Variants in ATRNL1 observed in about 807,000 individuals in gnomAD.
The protein encoded by ATRNL1 is attractin like 1, also known as attractin-like protein 1.
ATRNL1 carries 95 observed loss-of-function variants against 182.7 expected under a neutral mutation model. The observed-to-expected ratio is 0.52, with a 90% CI of 0.44 to 0.62. The LOEUF (loss-of-function observed/expected upper bound fraction) is 0.62, where lower values mean the gene tolerates loss of function less well. ATRNL1 is among the 20% of genes least tolerant of loss of function. The pLI is 0.00. For synonymous variants in ATRNL1, 576 were observed against 568.3 expected, an observed-to-expected ratio of 1.01 and a Z score of -0.19; for missense variants, 1,471 against 1,679.5, an observed-to-expected ratio of 0.88 and a Z score of 2.17.
intron 15 of ATRNL1, among the ~76,000 whole-genome samples, chr10:115,294,751 A>G (rs544706265): frequency 6.6e-6 from 1 of 152,264 alleles, no homozygotes; most frequent in African/African-American, 2.4e-5. Context: ...GTCTTGGGGT[A>G]TTAGTTCAAT....
intron 27 of ATRNL1, among the ~76,000 whole-genome samples, chr10:115,730,658 G>A (rs1947770088): frequency 6.6e-6 from 1 of 152,068 alleles, no homozygotes; most frequent in South Asian, 2.1e-4. Flanking sequence ...AGAAGTGAAT[G>A]TTTAGGGTTA....
intron 10 of ATRNL1, among the ~76,000 whole-genome samples, chr10:115,242,653 A>T (rs183318632): frequency 3.9e-4 from 60 of 152,036 alleles, no homozygotes; most frequent in African/African-American, 1.4e-3. Context: ...CTGCTTTGGT[A>T]AATTATTTCA....
At chr10:115,482,044 T>C in intron 24 of ATRNL1, among the ~76,000 whole-genome samples, 1 of 151,114 alleles carries the variant, frequency 6.6e-6, no homozygotes, top group East Asian at 1.9e-4. Context: ...GCAGTATATT[T>C]ACAATAATGG....
intron 26 of ATRNL1, among the ~76,000 whole-genome samples, chr10:115,621,294 G>A (rs1380802506): frequency 3.1e-5 from 4 of 128,586 alleles, no homozygotes; most frequent in Non-Finnish European, 6.5e-5. Context: ...GAGAGAGAGA[G>A]AGAGAGAGAG....
At chr10:115,589,210 G>T (rs914700358) in intron 26 of ATRNL1, among the ~76,000 whole-genome samples, 1 of 152,072 alleles carries the variant, frequency 6.6e-6, no homozygotes, top group African/African-American at 2.4e-5. Flanking sequence ...ACAAACTTAT[G>T]ATCTGTAAAA....
chr10:115,686,279 A>G (rs1280294083), intron 26 of ATRNL1, among the ~76,000 whole-genome samples: 1 of 152,026 alleles, frequency 6.6e-6, no homozygotes, highest in Non-Finnish European at 1.5e-5. Context: ...TTGAGAAAGA[A>G]AACAGTACAA....
intron 9 of ATRNL1, among the ~76,000 whole-genome samples, chr10:115,222,489 A>G (rs1849506799): frequency 6.6e-6 from 1 of 152,212 alleles, no homozygotes; most frequent in Non-Finnish European, 1.5e-5. Flanking sequence ...GCATAAGTAC[A>G]AAGAAACTCA....
intron 2 of ATRNL1, among the ~76,000 whole-genome samples, chr10:115,120,771 T>A (rs1038080114): frequency 3.2e-4 from 49 of 152,176 alleles, no homozygotes; most frequent in Admixed American, 1.9e-3. Flanking sequence ...ATTTTTGAAC[T>A]GTTTTGTAAT....
chr10:115,626,423 G>A lies in ATRNL1; in HGVS notation c.3795+76887G>A, dbSNP rs570906597. Reference sequence around the variant, plus strand: ...ATTTGGCTCAAATACTTTATTTTTGGGCATATTGCTTAAGCATCTGTCCAT... The same window carrying A: ...ATTTGGCTCAAATACTTTATTTTTGAGCATATTGCTTAAGCATCTGTCCAT... On this transcript the variant is annotated intron_variant, in intron 26 of 28. Coordinates refer to ENST00000355044, the MANE Select transcript of ATRNL1 (RefSeq NM_207303.4). Among the ~76,000 whole-genome samples the A allele has an allele frequency of 1.3e-5, 2 of 151,966 alleles. 1 individual carries two copies. Among genetic ancestry groups the A allele is most frequent in the South Asian group, 4.2e-4 (2 of 4,792 alleles).
intron 5 of ATRNL1, among the ~76,000 whole-genome samples, chr10:115,137,363 T>C (rs1396349357): frequency 6.6e-6 from 1 of 152,250 alleles, no homozygotes; most frequent in Admixed American, 6.5e-5. Flanking sequence ...GCTCAGCACA[T>C]GGCCTTCCAT....
At chr10:115,125,275 T>C (rs948831336) in intron 3 of ATRNL1, among the ~76,000 whole-genome samples, 1 of 152,196 alleles carries the variant, frequency 6.6e-6, no homozygotes, top group African/African-American at 2.4e-5. Flanking sequence ...AATATTGTAA[T>C]TTTACAAATG....
At chr10:115,887,495 A>G (rs1951975109) in intron 28 of ATRNL1, among the ~76,000 whole-genome samples, 3 of 152,070 alleles carry the variant, frequency 2.0e-5, no homozygotes, top group African/African-American at 7.2e-5. Context: ...GCTCTCTTTT[A>G]TAAGGGCACT....
intron 26 of ATRNL1, among the ~76,000 whole-genome samples, chr10:115,677,757 C>T (rs1277081739): frequency 6.6e-6 from 1 of 151,984 alleles, no homozygotes; most frequent in Non-Finnish European, 1.5e-5. Context: ...AGCAAGGAAA[C>T]TCCCAGAGGA....
chr10:115,404,844 G>C (rs1554957829), intron 20 of ATRNL1, among the ~76,000 whole-genome samples: 1 of 129,640 alleles, frequency 7.7e-6, no homozygotes, highest in African/African-American at 2.9e-5. Context: ...AATCAAAGCT[G>C]TTCTCATTTA....
chr10:115,173,481 C>T (rs1001333279), intron 8 of ATRNL1, among the ~76,000 whole-genome samples: 14 of 151,636 alleles, frequency 9.2e-5, no homozygotes, highest in African/African-American at 3.1e-4. Flanking sequence ...TTTATAAAAT[C>T]GACTTTATTG....
intron 27 of ATRNL1, among the ~76,000 whole-genome samples, chr10:115,829,044 C>G (rs534085547): frequency 1.3e-5 from 2 of 152,072 alleles, no homozygotes; most frequent in East Asian, 3.9e-4. Context: ...CACAATCACC[C>G]TTTTTTTCAG....
chr10:115,887,120 A>G lies in ATRNL1; in HGVS notation c.4018+39129A>G, dbSNP rs527545352. Among the ~76,000 whole-genome samples, 4 of 152,314 alleles carry G rather than the reference A, an allele frequency of 2.6e-5. No homozygotes were observed. In the East Asian group the frequency reaches 7.7e-4, roughly 29 times the overall value. On this transcript the variant is annotated intron_variant, in intron 28 of 28. Coordinates refer to ENST00000355044, the MANE Select transcript of ATRNL1 (RefSeq NM_207303.4). Reference sequence around the variant, plus strand: ...GACCCCACACCAGACCAACTGAATCAGAATCTGCATTTTCAAAAGATCCCT... The same window carrying G: ...GACCCCACACCAGACCAACTGAATCGGAATCTGCATTTTCAAAAGATCCCT...
chr10:115,942,365 G>C (rs906656673), intron 28 of ATRNL1, among the ~76,000 whole-genome samples: 1 of 152,192 alleles, frequency 6.6e-6, no homozygotes, highest in Non-Finnish European at 1.5e-5. Flanking sequence ...ATACCGAAAT[G>C]ACTCAAAGAT....
intron 27 of ATRNL1, among the ~76,000 whole-genome samples, chr10:115,783,784 A>G (rs7088412): frequency 0.58 from 88,575 of 151,644 alleles, 26,325 homozygotes; most frequent in East Asian, 0.76. Flanking sequence ...GGAGGCCGAG[A>G]CGGGCAGATC....
Sources: allele counts gnomAD v4.1 joint callset (sites outside exome capture counted in the v4.1 genomes callset), GRCh38; gene constraint gnomAD v4.1.1; transcripts MANE v1.5; gene names NCBI Gene and HGNC (gene_info 2026-07-23, HGNC 2026-07-21).